The following TMEM92 variants were observed in gnomAD, a reference collection of about 807,000 sequenced individuals.
TMEM92 encodes the protein transmembrane protein 92.
A neutral mutation model predicts 14.6 loss-of-function variants in TMEM92; 15 were observed. That is an observed-to-expected ratio of 1.03 (90% CI 0.69 to 1.58). The LOEUF (loss-of-function observed/expected upper bound fraction) is 1.58, where lower values mean the gene tolerates loss of function less well. Ranked by LOEUF, TMEM92 falls within the 40% of genes most tolerant of loss-of-function variation. The pLI, the probability that TMEM92 is intolerant of heterozygous loss-of-function variation, is 0.00. For missense variants in TMEM92, 174 were observed against 202.4 expected (o/e 0.86, Z 0.85); for synonymous variants, 85 against 83.3 (o/e 1.02, Z -0.11).
In TMEM92 at chr17:50,279,505, G is replaced by A. The variant is rs1433917413; in HGVS notation, c.*197G>A. ...CTCTTGTCCTGAGGGTTAGGCTGGA[G>A]TGACAGTTTCCGCCCACCCCCCAGC... is the stretch of plus-strand genomic sequence containing the variant. On this transcript the variant is annotated 3_prime_UTR_variant, in exon 5 of 5. Coordinates refer to ENST00000507382, the MANE Select transcript of TMEM92 (RefSeq NM_153229.3). 3 of 546,406 alleles carry A rather than the reference G, an allele frequency of 5.5e-6. No homozygotes were observed. Among genetic ancestry groups the A allele is most frequent in the African/African-American group, 3.9e-5 (2 of 51,070 alleles). The allele number at this position is 546,406 out of a possible 1,614,324, so 33.8% of individuals were successfully genotyped here.
intron 4 of TMEM92, 38 bp from the exon 5 acceptor site, chr17:50,279,157 C>A (rs1317400596): frequency 1.2e-6 from 2 of 1,600,034 alleles, no homozygotes; most frequent in Non-Finnish European, 1.7e-6. Flanking sequence ...TGGCCAGGGC[C>A]AGGGCCCAGA....
At position 50,278,906 on chromosome 17, in the gene TMEM92, G is replaced by T. The variant is rs775170189; in HGVS notation, c.276G>T (p.Val92=). 3 of 1,613,918 alleles carry T rather than the reference G, an allele frequency of 1.9e-6. No homozygotes were observed. The South Asian group carries it at 3.3e-5, about 18-fold the overall frequency. The stretch of plus-strand genomic sequence containing the variant: ...GAGAGCCGGAGCCAGACAGCCCAGT[G>T]GATTGCCGGGGGCCCCTGGAACTGC... ...NCREPEPDSP[V]DCRGPLELPS... The change falls in exon 4 of 5, where the codon GTG becomes GTT. Residue 92 remains valine, a synonymous_variant. Transcript: ENST00000507382.
rs1401133894 is a variant in TMEM92, at chr17:50,279,694, C to T, written c.*386C>T. The T allele has an allele frequency of 3.6e-6, 1 of 276,224 alleles. No homozygotes were observed. Among genetic ancestry groups the T allele is most frequent in the East Asian group, 1.5e-4 (1 of 6,696 alleles). The allele number at this position is 276,224 out of a possible 1,614,324, so 17.1% of individuals were successfully genotyped here. ...TCAGGGCACTTCTATACCTGTGGGA[C>T]ATTGGACTGGATGAGCCCTGAGCCA... On this transcript the variant is annotated 3_prime_UTR_variant, in exon 5 of 5. Coordinates refer to ENST00000507382, the MANE Select transcript of TMEM92 (RefSeq NM_153229.3).
At position 50,277,755 on chromosome 17, in the gene TMEM92, C is replaced by T. The variant is rs749417119; in HGVS notation, c.95+15C>T. ...GGTCTCATCCTGTAAGTCTAGAGGC[C>T]ATAACTTCCAATCTGGGGAGCGGGG... On this transcript the variant is annotated intron_variant, in intron 2 of 4. Transcript: ENST00000507382. 6.2e-7 allele frequency: 1 copy of T among 1,613,966 alleles called. No individual in the cohort carries two copies. The highest frequency in any genetic ancestry group is 8.5e-7 in the Non-Finnish European group (1 of 1,179,908).
At chr17:50,278,677 G>T in intron 3 of TMEM92, 47 bp downstream of exon 3, 1 of 1,599,854 alleles carries the variant, frequency 6.3e-7, no homozygotes, top group Non-Finnish European at 8.5e-7. Context: ...GGAGGGGCCT[G>T]GTCCTGTGTG....
chr17:50,273,142 A>C (rs929760158), upstream of TMEM92, among the ~76,000 whole-genome samples: 3 of 152,168 alleles, frequency 2.0e-5, no homozygotes, highest in Non-Finnish European at 4.4e-5. Flanking sequence ...CATGACGTTG[A>C]GCCTCTCAGG....
chr17:50,275,027 T>C (rs1910380420), intron 1 of TMEM92: 2 of 156,862 alleles, frequency 1.3e-5, no homozygotes, highest in South Asian at 3.8e-4. Context: ...AGAAGGCTCT[T>C]TTGTCCCCTT....
At chr17:50,274,954 T>C (rs985593443) in intron 1 of TMEM92, 2 of 215,334 alleles carry the variant, frequency 9.3e-6, no homozygotes, top group Non-Finnish European at 1.8e-5. Context: ...CCTCCAGTGC[T>C]GGGGGACCCT....
chr17:50,277,328 G>A (rs1454946356), intron 1 of TMEM92, among the ~76,000 whole-genome samples: 2 of 152,124 alleles, frequency 1.3e-5, no homozygotes, highest in Non-Finnish European at 2.9e-5. Flanking sequence ...CTTTGGTGAT[G>A]AGATTTGCAT....
chr17:50,275,250 A>G (rs1472037454), intron 1 of TMEM92, among the ~76,000 whole-genome samples: 1 of 152,036 alleles, frequency 6.6e-6, no homozygotes, highest in Non-Finnish European at 1.5e-5. Context: ...AGACGGGTCT[A>G]GAACATGCAT....
chr17:50,275,256 T>C (rs1192372168), intron 1 of TMEM92, among the ~76,000 whole-genome samples: 2 of 151,916 alleles, frequency 1.3e-5, no homozygotes, highest in African/African-American at 4.8e-5. Context: ...GTCTAGAACA[T>C]GCATTTGTGT....
chr17:50,278,481 G>T, intron 2 of TMEM92, 75 bp from the exon 3 acceptor site: 2 of 1,551,082 alleles, frequency 1.3e-6, no homozygotes, highest in Non-Finnish European at 1.8e-6. Flanking sequence ...GTATTTTGGG[G>T]AGGCTGGGAT....
At chr17:50,278,359 G>A (rs1246702269) in intron 2 of TMEM92, among the ~76,000 whole-genome samples, 197 bp from the exon 3 acceptor site, 3 of 152,136 alleles carry the variant, frequency 2.0e-5, no homozygotes, top group Admixed American at 6.5e-5. Context: ...ACAGGGAGCC[G>A]TACTGGGCAC....
upstream of TMEM92, among the ~76,000 whole-genome samples, chr17:50,271,793 C>A (rs1034101676): frequency 1.3e-5 from 2 of 152,138 alleles, no homozygotes; most frequent in Non-Finnish European, 2.9e-5. Context: ...AATCCCAACA[C>A]TTTGGGAGGC....
At chr17:50,277,810 C>T in intron 2 of TMEM92, 70 bp downstream of exon 2, 1 of 1,592,314 alleles carries the variant, frequency 6.3e-7, no homozygotes, top group East Asian at 2.2e-5. Flanking sequence ...CCCTGCATGC[C>T]TTGGGGGGTG....
upstream of TMEM92, among the ~76,000 whole-genome samples, chr17:50,272,074 G>A (rs934592047): frequency 6.6e-6 from 1 of 151,976 alleles, no homozygotes; most frequent in Non-Finnish European, 1.5e-5. Context: ...ATTATTCATC[G>A]TTTATCTGAA....
chr17:50,276,354 C>A (rs116558732), intron 1 of TMEM92, among the ~76,000 whole-genome samples: 5 of 152,228 alleles, frequency 3.3e-5, no homozygotes, highest in African/African-American at 1.2e-4. Flanking sequence ...TCTGGGCCAA[C>A]CTGCAGGGGT....
chr17:50,280,901 G>A lies in TMEM92; in HGVS notation c.*1593G>A, dbSNP rs1289252865. 6.6e-6 allele frequency: 1 copy of A among 152,440 alleles called. No individual in the cohort carries two copies. Among genetic ancestry groups the A allele is most frequent in the African/African-American group, 2.4e-5 (1 of 41,446 alleles). The allele number at this position is 152,440 out of a possible 1,614,324, so 9.4% of individuals were successfully genotyped here. On this transcript the variant is annotated 3_prime_UTR_variant, in exon 5 of 5. Coordinates refer to ENST00000507382, the MANE Select transcript of TMEM92 (RefSeq NM_153229.3). Reference sequence around the variant, plus strand: ...GTGGAAGTTTCCCTTTACTTTCAGGGATTGGTCAGGGGTGGCAGAAAACAT... The same window carrying A: ...GTGGAAGTTTCCCTTTACTTTCAGGAATTGGTCAGGGGTGGCAGAAAACAT...
upstream of TMEM92, chr17:50,274,286 G>A (rs1159746848): frequency 1.7e-6 from 1 of 576,170 alleles, no homozygotes; most frequent in African/African-American, 1.9e-5. Flanking sequence ...TTAAAAATCC[G>A]TTAATCTCTT....
Sources: allele counts gnomAD v4.1 joint callset (sites outside exome capture counted in the v4.1 genomes callset), GRCh38; gene constraint gnomAD v4.1.1; transcripts MANE v1.5; gene names NCBI Gene and HGNC (gene_info 2026-07-23, HGNC 2026-07-21).